Variants in NCAPG observed in about 807,000 individuals in gnomAD.
The protein encoded by NCAPG is condensin complex subunit 3.
A neutral mutation model predicts 113.1 loss-of-function variants in NCAPG; 69 were observed. That is an observed-to-expected ratio of 0.61 (90% confidence interval 0.50 to 0.75). NCAPG has a LOEUF of 0.75. Ranked by LOEUF, NCAPG falls within the 30% of genes least tolerant of loss-of-function variation. The pLI is 0.00. For synonymous variants in NCAPG, 370 were observed against 415.8 expected, an observed-to-expected ratio of 0.89 and a Z score of 1.34; for missense variants, 1,058 against 1,177.0, an observed-to-expected ratio of 0.90 and a Z score of 1.48.
At chr4:17,812,161 A>G in intron 1 of NCAPG, 60 bp from the exon 2 acceptor site, 1 of 1,236,438 alleles carries the variant, frequency 8.1e-7, no homozygotes, top group Non-Finnish European at 1.2e-6. Context: ...TCTTAGGGTG[A>G]TGTTGGGAAT....
At position 17,813,126 on chromosome 4, in the gene NCAPG, T is replaced by C; in HGVS notation, c.525T>C (p.Asp175=). Residue 175 remains aspartate (D), a synonymous_variant, in exon 3 of 21, where the codon GAT becomes GAC. Coordinates refer to ENST00000251496, the MANE Select transcript of NCAPG (RefSeq NM_022346.5). ...ALSRLQDPKD[D]ECPVVNAYAT... ...CACGACTTCAGGATCCCAAGGATGA[T>C]GAATGCCCAGTGGTTAATGGTGTGT... 1 of 1,613,902 alleles carries C rather than the reference T, an allele frequency of 6.2e-7. No homozygotes were observed. The highest frequency in any genetic ancestry group is 8.5e-7 in the Non-Finnish European group (1 of 1,179,790).
At chr4:17,819,930 C>A (rs893961616) in intron 7 of NCAPG, among the ~76,000 whole-genome samples, 4 of 152,070 alleles carry the variant, frequency 2.6e-5, no homozygotes, top group African/African-American at 4.8e-5. Flanking sequence ...CATGAAGAAC[C>A]TGTGTGAATC....
In NCAPG at chr4:17,823,644, C is replaced by T. The variant is rs766342754; in HGVS notation, c.1260-3C>T. The T allele has an allele frequency of 2.5e-6, 4 of 1,602,602 alleles. No homozygotes were observed. Among genetic ancestry groups the T allele is most frequent in the South Asian group, 1.1e-5 (1 of 89,584 alleles). On this transcript the variant is annotated splice_polypyrimidine_tract_variant and splice_region_variant and intron_variant, in intron 8 of 20. Transcript: ENST00000251496. The stretch of plus-strand genomic sequence containing the variant: ...TATTTAAATTAGTTCTTTTTGACTG[C>T]AGAAAAAAACTGCTGGCTGTTTTAC...
chr4:17,828,307 T>C lies in NCAPG; in HGVS notation c.1683T>C (p.Leu561=). The C allele has an allele frequency of 6.2e-7, 1 of 1,610,840 alleles. No homozygotes were observed. Among genetic ancestry groups the C allele is most frequent in the Non-Finnish European group, 8.5e-7 (1 of 1,178,308 alleles). Residue 561 remains leucine, a synonymous_variant, in exon 12 of 21, where the codon CTT becomes CTC. Transcript: ENST00000251496. ...ATGCTGAAACATTGCAGAAATGTCT[T>C]ATTTTATGCTATGAACTGTTGAAGC... The part of the protein sequence containing the change: ...KNDAETLQKC[L]ILCYELLKQM...
At chr4:17,830,354 C>T (rs1329468596) in intron 12 of NCAPG, among the ~76,000 whole-genome samples, 2 of 151,436 alleles carry the variant, frequency 1.3e-5, no homozygotes, top group Non-Finnish European at 2.9e-5. Flanking sequence ...GATTGCGCCA[C>T]TGCACTCCAG....
intron 8 of NCAPG, 120 bp from the exon 9 acceptor site, chr4:17,823,527 A>C: frequency 1.2e-6 from 1 of 839,282 alleles, no homozygotes; most frequent in Non-Finnish European, 1.8e-6. Context: ...TACCTATTAT[A>C]GTGATAAACC....
In NCAPG at chr4:17,844,286, A is replaced by G. The variant is rs1187597476; in HGVS notation, c.*861A>G. The G allele has an allele frequency of 6.6e-6, 1 of 152,342 alleles. No homozygotes were observed. The highest frequency in any genetic ancestry group is 1.5e-5 in the Non-Finnish European group (1 of 67,844). 9.4% of individuals were successfully genotyped at this position (152,342 alleles called of 1,614,324 possible). A position where few individuals can be genotyped will look rare whatever the true frequency, so the allele number is the denominator to read the frequency against. On this transcript the variant is annotated 3_prime_UTR_variant, in exon 21 of 21. Transcript: ENST00000251496. Reference sequence around the variant, plus strand: ...TGGCCTGACTTACGAAACTTGTACTATATGAAATTGGTCCTCTTTTCTGCA... The same window carrying G: ...TGGCCTGACTTACGAAACTTGTACTGTATGAAATTGGTCCTCTTTTCTGCA...
chr4:17,840,727 G>A, intron 19 of NCAPG, 34 bp downstream of exon 19: 1 of 1,330,772 alleles, frequency 7.5e-7, no homozygotes, highest in Non-Finnish European at 1.0e-6. Flanking sequence ...TATGATAAAA[G>A]TTTTAAATTT....
Position 17,839,806 on chromosome 4 carries a change from ATCT to A in NCAPG, c.2601_2603del (p.Leu868del), listed in dbSNP as rs753190786. On this transcript the variant is annotated inframe_deletion, in exon 17 of 21. Transcript: ENST00000251496. ...GAACTCAGTAGCCATCTTGCAAAAGATCTTCTGGTTCTATTGAATGAGATTCTG... is the reference window on the plus strand; with the variant it reads ...GAACTCAGTAGCCATCTTGCAAAAGATCTGGTTCTATTGAATGAGATTCTG... The A allele has an allele frequency of 1.4e-5, 23 of 1,586,286 alleles. No individual in the cohort carries two copies. The highest frequency in any genetic ancestry group is 1.4e-5 in the African/African-American group (1 of 72,874).
intron 18 of NCAPG, 114 bp from the exon 19 acceptor site, chr4:17,840,493 A>T: frequency 1.6e-6 from 1 of 644,642 alleles, no homozygotes; most frequent in Non-Finnish European, 2.3e-6. Context: ...ACTTTTCACT[A>T]GCTGCTAGAA....
At chr4:17,828,914 A>T (rs995430223) in intron 12 of NCAPG, among the ~76,000 whole-genome samples, 15 of 150,492 alleles carry the variant, frequency 1.0e-4, no homozygotes, top group Admixed American at 7.2e-4. Context: ...TAGCCACATT[A>T]AAAAAAGTGG....
At chr4:17,826,197 CAA>C (rs1161088603) in intron 11 of NCAPG, among the ~76,000 whole-genome samples, 1 of 151,970 alleles carries the variant, frequency 6.6e-6, no homozygotes, top group Non-Finnish European at 1.5e-5. Context: ...TGTCTTACAA[CAA>C]ATGATAAATA....
At chr4:17,840,724 A>AAAG (rs1405646314) in intron 19 of NCAPG, 31 bp downstream of exon 19, 1 of 1,362,186 alleles carries the variant, frequency 7.3e-7, no homozygotes, top group Non-Finnish European at 9.7e-7. Flanking sequence ...CTTTATGATA[A>AAAG]AAGTTTTAAA....
At position 17,842,374 on chromosome 4, in the gene NCAPG, T is replaced by G; in HGVS notation, c.2919T>G (p.Ser973=). 6.2e-7 allele frequency: 1 copy of G among 1,611,684 alleles called. No individual in the cohort carries two copies. The highest frequency in any genetic ancestry group is 8.5e-7 in the Non-Finnish European group (1 of 1,178,102). The change falls in exon 20 of 21, where the codon TCT becomes TCG. Residue 973 remains serine, a synonymous_variant. Transcript: ENST00000251496. The stretch of plus-strand genomic sequence containing the variant: ...GGTGTCAGACTGCTGAAGCCGACTC[T>G]GAAAGGTATGTCATGCATGTCTAGA... ...NRRCQTAEAD[S]ESDHEVPEPE... is the part of the protein sequence containing the mutation.
chr4:17,842,290 T>C lies in NCAPG; in HGVS notation c.2855-20T>C. On this transcript the variant is annotated intron_variant, in intron 19 of 20. Transcript: ENST00000251496. ...AGCAACTGATAATAAATCCTGATAA[T>C]GAATTATACTATCTTCAAGGACAGA... The C allele has an allele frequency of 1.2e-6, 2 of 1,604,690 alleles. No homozygotes were observed. The highest frequency in any genetic ancestry group is 1.7e-6 in the Non-Finnish European group (2 of 1,172,562).
intron 8 of NCAPG, 135 bp downstream of exon 8, chr4:17,823,258 T>C (rs931141153): frequency 2.7e-5 from 20 of 744,618 alleles, no homozygotes; most frequent in Non-Finnish European, 4.0e-5. Context: ...TTTTCCCTTC[T>C]ACATATTTCC....
intron 17 of NCAPG, 36 bp downstream of exon 17, chr4:17,839,873 GTTTATA>G: frequency 6.4e-7 from 1 of 1,550,620 alleles, no homozygotes. Flanking sequence ...ATTAGTTTGT[GTTTATA>G]TTTATACATG....
At chr4:17,829,547 A>G (rs905962492) in intron 12 of NCAPG, among the ~76,000 whole-genome samples, 6 of 152,174 alleles carry the variant, frequency 3.9e-5, no homozygotes, top group African/African-American at 1.4e-4. Context: ...TATATGTGGG[A>G]AAGGATATAC....
chr4:17,822,678 G>A (rs1721505882), intron 7 of NCAPG, among the ~76,000 whole-genome samples: 1 of 152,138 alleles, frequency 6.6e-6, no homozygotes, highest in African/African-American at 2.4e-5. Flanking sequence ...TTGGGAGAAT[G>A]CTAGTGACAT....
Sources: allele counts gnomAD v4.1 joint callset (sites outside exome capture counted in the v4.1 genomes callset), GRCh38; gene constraint gnomAD v4.1.1; transcripts MANE v1.5; gene names NCBI Gene and HGNC (gene_info 2026-07-23, HGNC 2026-07-21).